COPG1: variants seen among roughly 807,000 people sequenced by gnomAD.
COPG1 encodes coatomer subunit gamma-1.
Under a neutral mutation model 102.8 loss-of-function variants are expected in COPG1, and 29 were observed. The observed-to-expected ratio is 0.28, with a 90% confidence interval of 0.21 to 0.38. The LOEUF (loss-of-function observed/expected upper bound fraction) is 0.38, where lower values mean the gene tolerates loss of function less well. COPG1 is among the 10% of genes least tolerant of loss of function. COPG1 has a pLI of 1.00. For missense variants in COPG1, 875 were observed against 1,132.7 expected (o/e 0.77, Z 3.27); for synonymous variants, 406 against 421.6 (o/e 0.96, Z 0.45).
rs1019224491 is a variant in COPG1 at position 129,250,574 on chromosome 3, TG to T, written c.38-107del. 8 of 879,516 alleles carry T rather than the reference TG, an allele frequency of 9.1e-6. No individual in the cohort carries two copies. The Admixed American group carries it at 1.6e-4, about 18-fold the overall frequency. 54.5% of individuals were successfully genotyped at this position (879,516 alleles called of 1,614,324 possible). A position where few individuals can be genotyped will look rare whatever the true frequency, so the allele number is the denominator to read the frequency against. On this transcript the variant is annotated intron_variant, in intron 1 of 23. Transcript: ENST00000314797. ...GCTTGATTGCCATTCCTGAGGAGTT[TG>T]AACTTTACTAGATTTCCTAGGAAGG...
At chr3:129,262,289 G>T (rs1425386916) in intron 12 of COPG1, among the ~76,000 whole-genome samples, 1 of 147,966 alleles carries the variant, frequency 6.8e-6, no homozygotes, top group African/African-American at 2.5e-5. Flanking sequence ...GTCTCGCTCT[G>T]TTGCTCAGGC....
Position 129,259,475 on chromosome 3 carries a change from A to ATG in COPG1, c.872-858_872-857insTG, listed in dbSNP as rs2107674916. ...GACTCTATCTCAAAAAAAAAAAAAA[A>ATG]AAAAAGAAATGGAAAAAGAACTAAT... On this transcript the variant is annotated intron_variant, in intron 10 of 23. Coordinates refer to ENST00000314797, the MANE Select transcript of COPG1 (RefSeq NM_016128.4). Among the ~76,000 whole-genome samples the ATG allele has an allele frequency of 2.6e-5, 4 of 151,142 alleles. No homozygotes were observed. The South Asian group carries it at 8.3e-4, about 31-fold the overall frequency.
At chr3:129,273,971 C>G in intron 21 of COPG1, 1 of 454,466 alleles carries the variant, frequency 2.2e-6, no homozygotes, top group Admixed American at 2.4e-5. Context: ...GACCATTATG[C>G]TCAGCCTGTG....
Position 129,254,730 on chromosome 3 carries a change from G to T in COPG1, c.386G>T (p.Cys129Phe). The T allele has an allele frequency of 1.2e-6, 2 of 1,613,978 alleles. No individual in the cohort carries two copies. Among genetic ancestry groups the T allele is most frequent in the East Asian group, 4.5e-5 (2 of 44,884 alleles). Residue 129 changes from cysteine (C) to phenylalanine (F), a missense_variant, in exon 6 of 24, where the codon TGC (cysteine) becomes TTC (phenylalanine). Coordinates refer to ENST00000314797, the MANE Select transcript of COPG1 (RefSeq NM_016128.4). ...NYRGPAVRAL[C>F]QITDSTMLQA... ...CGGGGCCCGGCCGTGCGAGCCCTCT[G>T]CCAGATCACTGATGTGAGTCGTGCC... is the stretch of plus-strand genomic sequence containing the variant.
At chr3:129,250,872 G>A (rs1939679363) in intron 2 of COPG1, 138 bp downstream of exon 2, 1 of 574,528 alleles carries the variant, frequency 1.7e-6, no homozygotes. Context: ...CTGGAAGACA[G>A]GAAAACTTTG....
At chr3:129,261,628 CT>C (rs112118590) in intron 12 of COPG1, among the ~76,000 whole-genome samples, 14,615 of 152,228 alleles carry the variant, frequency 0.096, 759 homozygotes, top group Middle Eastern at 0.2. Flanking sequence ...CAACCCTCTC[CT>C]ACAGTGCCAG....
chr3:129,272,403 G>A lies in COPG1; in HGVS notation c.2146G>A (p.Asp716Asn). 2 of 1,613,528 alleles carry A rather than the reference G, an allele frequency of 1.2e-6. No individual in the cohort carries two copies. Among genetic ancestry groups the A allele is most frequent in the Non-Finnish European group, 8.5e-7 (1 of 1,179,754 alleles). The change falls in exon 20 of 24, where the codon GAC becomes AAC. Residue 716 changes from aspartate (D) to asparagine (N), a missense_variant. Coordinates refer to ENST00000314797, the MANE Select transcript of COPG1 (RefSeq NM_016128.4). ...CYTLVALPKE[D>N]PTAVACTFSC... ...CACACTGGTGGCACTGCCCAAAGAA[G>A]ACCCCACAGCTGGTGAGCCCCTCTC...
Position 129,275,084 on chromosome 3 carries a change from G to C in COPG1, c.2395+108G>C. ...CCAAGGATCCAGGGCCATGTCTGGA[G>C]CACATATGTCAAATGCCACTTCATT... is the stretch of plus-strand genomic sequence containing the variant. On this transcript the variant is annotated intron_variant, in intron 22 of 23. Coordinates refer to ENST00000314797, the MANE Select transcript of COPG1 (RefSeq NM_016128.4). The surrounding 1 kb of genome is among the most constrained non-coding windows in gnomAD (Gnocchi z 5.0). The C allele has an allele frequency of 6.7e-7, 1 of 1,497,084 alleles. No individual in the cohort carries two copies. The highest frequency in any genetic ancestry group is 1.7e-5 in the Admixed American group (1 of 58,688). 92.7% of individuals were successfully genotyped at this position (1,497,084 alleles called of 1,614,324 possible).
Position 129,272,359 on chromosome 3 carries a change from A to G in COPG1, c.2102A>G (p.Asn701Ser), listed in dbSNP as rs767073442. The G allele has an allele frequency of 8.1e-6, 13 of 1,613,902 alleles. No individual in the cohort carries two copies. Among genetic ancestry groups the G allele is most frequent in the Admixed American group, 3.3e-5 (2 of 59,964 alleles). Residue 701 changes from asparagine to serine, a missense_variant, in exon 20 of 24, where the codon AAC becomes AGC. By Grantham distance (46) the Asn-to-Ser change is conservative (BLOSUM62 1). Transcript: ENST00000314797. ...GTGCCTGCCCGGAGCCTGCCCTACA[A>G]CCAGCCCGGGACCTGCTACACACTG... ...CYVPARSLPY[N>S]QPGTCYTLVA...
In COPG1 at chr3:129,275,554, CTAA is replaced by C. The variant is rs756589984; in HGVS notation, c.2494+265_2494+267del. ...TGCGGTTATTTTATGGCTATAAAAGCTAATAGGAACGCATTTCCTTTTTTTAAC... is the reference window on the plus strand; with the variant it reads ...TGCGGTTATTTTATGGCTATAAAAGCTAGGAACGCATTTCCTTTTTTTAAC... On this transcript the variant is annotated intron_variant, in intron 23 of 23. Coordinates refer to ENST00000314797, the MANE Select transcript of COPG1 (RefSeq NM_016128.4). The surrounding 1 kb of genome is among the most constrained non-coding windows in gnomAD (Gnocchi z 5.0). Among the ~76,000 whole-genome samples, 1 of 152,158 alleles carries C rather than the reference CTAA, an allele frequency of 6.6e-6. No homozygotes were observed. Among genetic ancestry groups the C allele is most frequent in the African/African-American group, 2.4e-5 (1 of 41,442 alleles).
rs771306528 is a variant in COPG1 at position 129,277,394 on chromosome 3, A to G, written c.2595A>G (p.Pro865=). 3.7e-6 allele frequency: 6 copies of G among 1,613,896 alleles called. No individual in the cohort carries two copies. The highest frequency in any genetic ancestry group is 2.7e-5 in the African/African-American group (2 of 74,908). Residue 865 remains proline (P), a synonymous_variant, in exon 24 of 24, where the codon CCA becomes CCG. Transcript: ENST00000314797. Reference sequence around the variant, plus strand: ...CAGCCAGAAGTTTGGAGGAGCTGCCAGTAGACATCATCTTGGCATCTGTGG... The same window carrying G: ...CAGCCAGAAGTTTGGAGGAGCTGCCGGTAGACATCATCTTGGCATCTGTGG... ...QVTARSLEEL[P]VDIILASVG is the part of the protein sequence containing the mutation.
At chr3:129,254,486 T>C (rs778344234) in intron 5 of COPG1, 182 bp from the exon 6 acceptor site, 4 of 548,386 alleles carry the variant, frequency 7.3e-6, no homozygotes, top group Non-Finnish European at 9.7e-6. Flanking sequence ...ACCTGTTTGG[T>C]TTTGAGTCTT....
chr3:129,257,750 T>A lies in COPG1; in HGVS notation c.761T>A (p.Phe254Tyr). 1 of 1,614,154 alleles carries A rather than the reference T, an allele frequency of 6.2e-7. No individual in the cohort carries two copies. Among genetic ancestry groups the A allele is most frequent in the Non-Finnish European group, 8.5e-7 (1 of 1,179,978 alleles). ...DGSRDSPLFD[F>Y]IESCLRNKHE... is the part of the protein sequence containing the mutation. ...AGCCGTGACAGCCCACTGTTTGACT[T>A]CATCGAGAGCTGCTTGCGCAACAAG... Residue 254 changes from phenylalanine to tyrosine, a missense_variant, in exon 10 of 24, where the codon TTC becomes TAC. Coordinates refer to ENST00000314797, the MANE Select transcript of COPG1 (RefSeq NM_016128.4).
In COPG1 at chr3:129,252,972, TG is replaced by T. The variant is rs1939731790; in HGVS notation, c.323+20del. 1.2e-6 allele frequency: 2 copies of T among 1,610,414 alleles called. No homozygotes were observed. The highest frequency in any genetic ancestry group is 1.3e-5 in the African/African-American group (1 of 74,970). On this transcript the variant is annotated intron_variant, in intron 5 of 23. Transcript: ENST00000314797. The stretch of plus-strand genomic sequence containing the variant: ...CACCAGCAGGCAAGTCATGGGGTTG[TG>T]GGTGGCTCTTCTGATGGGTTCCATT...
At chr3:129,257,924 C>A in intron 10 of COPG1, 64 bp downstream of exon 10, 1 of 1,582,174 alleles carries the variant, frequency 6.3e-7, no homozygotes, top group South Asian at 1.1e-5. Flanking sequence ...GGCCTGGGTT[C>A]CCGGGCTAGG....
chr3:129,260,165 C>T (rs4927943), intron 10 of COPG1, 168 bp from the exon 11 acceptor site: 128,815 of 655,254 alleles, frequency 0.2, 17,562 homozygotes, highest in East Asian at 0.61. Flanking sequence ...GGCCTCTGTC[C>T]ATGGCTCAGG....
intron 5 of COPG1, among the ~76,000 whole-genome samples, chr3:129,254,034 C>T (rs1431257213): frequency 1.3e-5 from 2 of 149,634 alleles, no homozygotes; most frequent in Admixed American, 6.7e-5. Flanking sequence ...AGTGATGGCT[C>T]ATGCCTGTAA....
At chr3:129,251,371 TTATA>T (rs58203832) in intron 2 of COPG1, among the ~76,000 whole-genome samples, 16,643 of 146,610 alleles carry the variant, frequency 0.11, 2,593 homozygotes, top group African/African-American at 0.35. Flanking sequence ...TATATATTTT[TTATA>T]TATATATATA....
Position 129,267,009 on chromosome 3 carries a change from G to C in COPG1, c.1469-15G>C, listed in dbSNP as rs374127054. 3.7e-6 allele frequency: 6 copies of C among 1,611,896 alleles called. No individual in the cohort carries two copies. In the East Asian group the frequency reaches 1.3e-4, roughly 36 times the overall value. ...AGGGTGCATTGGGTAAATCACATTC[G>C]CTTCCTAAACACAGGTGCTGTGAGT... On this transcript the variant is annotated splice_polypyrimidine_tract_variant and intron_variant, in intron 14 of 23. Coordinates refer to ENST00000314797, the MANE Select transcript of COPG1 (RefSeq NM_016128.4).
Sources: allele counts gnomAD v4.1 joint callset (sites outside exome capture counted in the v4.1 genomes callset), GRCh38; gene constraint gnomAD v4.1.1; non-coding constraint Gnocchi (gnomAD v3.1); transcripts MANE v1.5; gene names NCBI Gene and HGNC (gene_info 2026-07-23, HGNC 2026-07-21).